HIF3A: variants seen among roughly 807,000 people sequenced by gnomAD.
The protein encoded by HIF3A is hypoxia inducible factor 3 subunit alpha, also known as hypoxia-inducible factor 3-alpha.
HIF3A carries 41 observed loss-of-function variants against 67.2 expected under a neutral mutation model. The ratio of observed to expected loss-of-function variants is 0.61; its 90% CI spans 0.48 to 0.79. The LOEUF is 0.79. HIF3A is among the 30% of genes least tolerant of loss of function. The pLI, the probability that HIF3A is intolerant of heterozygous loss-of-function variation, is 0.00. For missense variants in HIF3A, 855 were observed against 898.0 expected, an observed-to-expected ratio of 0.95 and a Z score of 0.61; for synonymous variants, 356 against 374.8, an observed-to-expected ratio of 0.95 and a Z score of 0.58.
chr19:46,329,189 C>T lies in HIF3A; in HGVS notation c.1441-18C>T, dbSNP rs1971001254. ...AAGTCCAAGGCTCATCCTCTTACCT[C>T]CCTCCTGCCCTCCGCAGGATGCTGA... On this transcript the variant is annotated intron_variant, in intron 11 of 14. Coordinates refer to ENST00000377670, the MANE Select transcript of HIF3A (RefSeq NM_152795.4). 1 of 1,575,274 alleles carries T rather than the reference C, an allele frequency of 6.3e-7. No homozygotes were observed. The highest frequency in any genetic ancestry group is 1.8e-5 in the Admixed American group (1 of 57,074).
At chr19:46,313,769 G>A (rs537349822) in intron 8 of HIF3A, among the ~76,000 whole-genome samples, 5 of 151,120 alleles carry the variant, frequency 3.3e-5, no homozygotes, top group South Asian at 4.2e-4. Context: ...AGGTTCAAGC[G>A]ATTCTCCTGC....
chr19:46,320,431 C>A lies in HIF3A; in HGVS notation c.1026-12C>A. 1 of 1,609,350 alleles carries A rather than the reference C, an allele frequency of 6.2e-7. No individual in the cohort carries two copies. Among genetic ancestry groups the A allele is most frequent in the Non-Finnish European group, 8.5e-7 (1 of 1,175,730 alleles). On this transcript the variant is annotated splice_polypyrimidine_tract_variant and intron_variant, in intron 8 of 14. Coordinates refer to ENST00000377670, the MANE Select transcript of HIF3A (RefSeq NM_152795.4). ...CCCTGACTCCCACCTCCCTTTCTGCCTTGTACCCCAGCCAGGTGGAAGAGA... is the reference window on the plus strand; with the variant it reads ...CCCTGACTCCCACCTCCCTTTCTGCATTGTACCCCAGCCAGGTGGAAGAGA...
Position 46,310,961 on chromosome 19 carries a change from G to C in HIF3A, c.771-1200G>C, listed in dbSNP as rs781154552. 4.5e-4 allele frequency among the ~76,000 whole-genome samples: 69 copies of C among 152,220 alleles called. 1 individual carries two copies. The highest frequency in any genetic ancestry group is 3.4e-3 in the Admixed American group (52 of 15,276). On this transcript the variant is annotated intron_variant, in intron 6 of 14. Coordinates refer to ENST00000377670, the MANE Select transcript of HIF3A (RefSeq NM_152795.4). ...AGATGGGGTTTTACCATGTTGGTCA[G>C]TCTAGTCTTGAACTCCTGACCTCAG...
At chr19:46,323,301 G>C (rs147400414) in intron 10 of HIF3A, among the ~76,000 whole-genome samples, 2 of 151,550 alleles carry the variant, frequency 1.3e-5, no homozygotes, top group Non-Finnish European at 2.9e-5. Context: ...CACCCGCCTC[G>C]GCCTCCCAAA....
At chr19:46,300,247 T>C (rs1309949138) in intron 1 of HIF3A, among the ~76,000 whole-genome samples, 1 of 152,178 alleles carries the variant, frequency 6.6e-6, no homozygotes, top group East Asian at 1.9e-4. Flanking sequence ...AAACCATGTA[T>C]GTAATTGCAT....
Position 46,308,701 on chromosome 19 carries a change from T to C in HIF3A, c.487T>C (p.Cys163Arg). The change falls in exon 5 of 15, where the codon TGC (cysteine) becomes CGC (arginine). Residue 163 changes from cysteine (C) to arginine (R), a missense_variant. Transcript: ENST00000377670. ...GAAGGTGGAGGCCCCCACGGAGCGGTGCTTCTCCTTGCGCATGAAGAGTAC... is the reference window on the plus strand; with the variant it reads ...GAAGGTGGAGGCCCCCACGGAGCGGCGCTTCTCCTTGCGCATGAAGAGTAC... Reference protein sequence around the residue: ...RRKVEAPTERCFSLRMKSTLT... With the variant: ...RRKVEAPTERRFSLRMKSTLT... 6.2e-7 allele frequency: 1 copy of C among 1,610,262 alleles called. No homozygotes were observed. Among genetic ancestry groups the C allele is most frequent in the Non-Finnish European group, 8.5e-7 (1 of 1,178,606 alleles).
intron 8 of HIF3A, among the ~76,000 whole-genome samples, chr19:46,315,885 G>C (rs752674075): frequency 7.2e-5 from 11 of 151,912 alleles, no homozygotes; most frequent in Non-Finnish European, 1.3e-4. Context: ...CTGCACTCTA[G>C]CCTGGGTGAC....
At position 46,341,436 on chromosome 19, in the gene HIF3A, C is replaced by G. The variant is rs1971931658; in HGVS notation, c.*1814C>G. 6.6e-6 allele frequency: 1 copy of G among 151,696 alleles called. No homozygotes were observed. Among genetic ancestry groups the G allele is most frequent in the Non-Finnish European group, 1.5e-5 (1 of 67,872 alleles). 9.4% of individuals were successfully genotyped at this position (151,696 alleles called of 1,614,324 possible). A position where few individuals can be genotyped will look rare whatever the true frequency, so the allele number is the denominator to read the frequency against. Reference sequence around the variant, plus strand: ...GCTGGTCTTGAACTCCCGACCTCAACTGATCCACCCGCCTCAGCCTCCCAA... The same window carrying G: ...GCTGGTCTTGAACTCCCGACCTCAAGTGATCCACCCGCCTCAGCCTCCCAA... On this transcript the variant is annotated 3_prime_UTR_variant, in exon 15 of 15. Transcript: ENST00000377670.
At chr19:46,298,458 C>T (rs1029936452) in intron 1 of HIF3A, 81 of 1,285,990 alleles carry the variant, frequency 6.3e-5, no homozygotes, top group Non-Finnish European at 7.8e-5. Flanking sequence ...CTGGCTGCAC[C>T]GCATCCCCTC....
chr19:46,315,973 G>A (rs1969885923), intron 8 of HIF3A, among the ~76,000 whole-genome samples: 1 of 152,068 alleles, frequency 6.6e-6, no homozygotes, highest in Admixed American at 6.6e-5. Flanking sequence ...GCTCATGCCT[G>A]TAATCCCAGC....
intron 6 of HIF3A, among the ~76,000 whole-genome samples, chr19:46,310,099 C>G (rs1269312072): frequency 1.3e-5 from 2 of 152,164 alleles, no homozygotes; most frequent in African/African-American, 4.8e-5. Context: ...GTGGCGCATG[C>G]CTAAAATCCC....
intron 8 of HIF3A, 64 bp downstream of exon 8, chr19:46,312,717 G>GTGTGTGTA (rs778133946): frequency 3.7e-4 from 539 of 1,473,488 alleles, no homozygotes; most frequent in Non-Finnish European, 4.6e-4. Context: ...GGACAGGTGT[G>GTGTGTGTA]TGTGTGTGTG....
In HIF3A at chr19:46,320,554, C is replaced by T. The variant is rs757674100; in HGVS notation, c.1137C>T (p.Asp379=). Reference sequence around the variant, plus strand: ...AGAAGGACACCCCTAACCCTGGGGACAGCCTTGGTATGGGGCAGGGCTGGG... The same window carrying T: ...AGAAGGACACCCCTAACCCTGGGGATAGCCTTGGTATGGGGCAGGGCTGGG... The part of the protein sequence containing the change: ...PSQKDTPNPG[D]SLDTPGPRIL... The change falls in exon 9 of 15, where the codon GAC becomes GAT. Residue 379 remains aspartate, a synonymous_variant. Coordinates refer to ENST00000377670, the MANE Select transcript of HIF3A (RefSeq NM_152795.4). 4 of 1,612,808 alleles carry T rather than the reference C, an allele frequency of 2.5e-6. No homozygotes were observed. In the Admixed American group the frequency reaches 5.0e-5, roughly 20 times the overall value.
At chr19:46,327,121 C>T (rs1970842267) in intron 11 of HIF3A, among the ~76,000 whole-genome samples, 1 of 151,946 alleles carries the variant, frequency 6.6e-6, no homozygotes, top group South Asian at 2.1e-4. Flanking sequence ...TGCCACTGCA[C>T]TCCAGCCTGA....
chr19:46,298,437 G>T, intron 1 of HIF3A: 1 of 1,287,102 alleles, frequency 7.8e-7, no homozygotes, highest in Non-Finnish European at 1.0e-6. Flanking sequence ...CTCGTAACTC[G>T]CACCCGGGTC....
chr19:46,328,224 A>G (rs1970934538), intron 11 of HIF3A, among the ~76,000 whole-genome samples: 1 of 152,198 alleles, frequency 6.6e-6, no homozygotes, highest in African/African-American at 2.4e-5. Flanking sequence ...TGGTTAGCAT[A>G]AACTATCCAA....
At chr19:46,325,197 C>T (rs1255867562) in intron 10 of HIF3A, among the ~76,000 whole-genome samples, 2 of 151,712 alleles carry the variant, frequency 1.3e-5, no homozygotes, top group Non-Finnish European at 2.9e-5. Context: ...GGGTTTCACC[C>T]TGTTGGCCAA....
intron 11 of HIF3A, among the ~76,000 whole-genome samples, chr19:46,327,857 A>C (rs578192690): frequency 6.6e-6 from 1 of 152,354 alleles, no homozygotes; most frequent in East Asian, 1.9e-4. Context: ...TCATAGGTGG[A>C]ATCTGGGACT....
At chr19:46,304,364 C>T (rs1041799395) in intron 2 of HIF3A, among the ~76,000 whole-genome samples, 1 of 152,138 alleles carries the variant, frequency 6.6e-6, no homozygotes, top group Non-Finnish European at 1.5e-5. Flanking sequence ...AGCCCCGCCT[C>T]CTTAGGACTC....
Sources: allele counts gnomAD v4.1 joint callset (sites outside exome capture counted in the v4.1 genomes callset), GRCh38; gene constraint gnomAD v4.1.1; transcripts MANE v1.5; gene names NCBI Gene and HGNC (gene_info 2026-07-23, HGNC 2026-07-21).